Variants in WDPCP observed in about 807,000 individuals in gnomAD.
WDPCP encodes WD repeat-containing and planar cell polarity effector protein fritz homolog.
A neutral mutation model predicts 93.1 loss-of-function variants in WDPCP; 71 were observed. That is an observed-to-expected ratio of 0.76 (90% CI 0.63 to 0.93). WDPCP has a LOEUF of 0.93. Ranked by LOEUF, WDPCP falls within the 40% of genes least tolerant of loss-of-function variation. The pLI is 0.00. For missense variants in WDPCP, 844 were observed against 887.4 expected, an observed-to-expected ratio of 0.95 and a Z score of 0.62; for synonymous variants, 315 against 315.0, an observed-to-expected ratio of 1.00 and a Z score of 0.00.
intron 6 of WDPCP, among the ~76,000 whole-genome samples, chr2:63,460,463 T>C (rs1698929733): frequency 6.6e-6 from 1 of 152,108 alleles, no homozygotes; most frequent in Non-Finnish European, 1.5e-5. Flanking sequence ...TCAAAATAAT[T>C]AGAAGAGAGA....
chr2:63,124,034 A>T (rs1236862613), intron 17 of WDPCP, among the ~76,000 whole-genome samples: 2 of 150,754 alleles, frequency 1.3e-5, no homozygotes, highest in East Asian at 3.9e-4. Context: ...TTTTGGTTAA[A>T]TTTATATTGT....
At chr2:63,754,955 A>G (rs1457413432) in intron 2 of WDPCP, among the ~76,000 whole-genome samples, 1 of 152,220 alleles carries the variant, frequency 6.6e-6, no homozygotes, top group African/African-American at 2.4e-5. Context: ...GGGTACAGTC[A>G]TAAGAAGGCT....
chr2:63,719,634 G>A (rs946221294), intron 2 of WDPCP, among the ~76,000 whole-genome samples: 1 of 152,086 alleles, frequency 6.6e-6, no homozygotes, highest in Non-Finnish European at 1.5e-5. Context: ...TGGTGGGTGG[G>A]CTGTGTGGAG....
chr2:63,464,470 T>A (rs1699215588), intron 6 of WDPCP, among the ~76,000 whole-genome samples: 1 of 152,086 alleles, frequency 6.6e-6, no homozygotes, highest in South Asian at 2.1e-4. Flanking sequence ...TGAAAATCAG[T>A]ATGGTGTTTC....
chr2:63,382,220 T>G (rs1692373368), intron 10 of WDPCP, 126 bp from the exon 11 acceptor site: 1 of 868,834 alleles, frequency 1.2e-6, no homozygotes, highest in South Asian at 1.6e-5. Flanking sequence ...GTGGGACTGA[T>G]CTCCTTCTCA....
chr2:63,120,345 T>C lies in WDPCP; in HGVS notation c.*1661A>G. Reference sequence around the variant, plus strand: ...CAATAACAAAATGAAAAATCTAATTTGAGTTTCACCTTTTTTTGTCATACC... The same window carrying C: ...CAATAACAAAATGAAAAATCTAATTCGAGTTTCACCTTTTTTTGTCATACC... On this transcript the variant is annotated 3_prime_UTR_variant, in exon 18 of 18. Coordinates refer to ENST00000272321, the MANE Select transcript of WDPCP (RefSeq NM_015910.7). Among the ~76,000 whole-genome samples, 1 of 152,112 alleles carries C rather than the reference T, an allele frequency of 6.6e-6. No homozygotes were observed. The highest frequency in any genetic ancestry group is 1.9e-4 in the East Asian group (1 of 5,200).
chr2:63,317,170 A>G (rs2104030272), intron 12 of WDPCP, among the ~76,000 whole-genome samples: 1 of 152,238 alleles, frequency 6.6e-6, no homozygotes, highest in Non-Finnish European at 1.5e-5. Context: ...TCACAGAACT[A>G]GAAAAACCTT....
intron 3 of WDPCP, among the ~76,000 whole-genome samples, chr2:63,618,440 T>C (rs1558867682): frequency 6.6e-6 from 1 of 152,242 alleles, no homozygotes; most frequent in Non-Finnish European, 1.5e-5. Flanking sequence ...AAGAATTTAA[T>C]TGCCCAGGTG....
At chr2:63,625,446 C>T (rs113752161) in intron 3 of WDPCP, among the ~76,000 whole-genome samples, 4,996 of 152,272 alleles carry the variant, frequency 0.033, 141 homozygotes, top group Non-Finnish European at 0.048. Flanking sequence ...CTGAGCCCAA[C>T]GTCTCCTTAA....
intron 14 of WDPCP, among the ~76,000 whole-genome samples, chr2:63,175,394 A>G (rs981793289): frequency 4.2e-5 from 6 of 142,022 alleles, no homozygotes; most frequent in African/African-American, 7.7e-5. Flanking sequence ...ATTTTTTGTA[A>G]GAAACATAAA....
At chr2:63,659,438 A>G (rs887840166) in intron 2 of WDPCP, among the ~76,000 whole-genome samples, 3 of 152,316 alleles carry the variant, frequency 2.0e-5, no homozygotes, top group Non-Finnish European at 2.9e-5. Flanking sequence ...CAGGTGGGCA[A>G]TTGCGTGTAT....
chr2:63,660,613 CT>C (rs1252985763), intron 2 of WDPCP, among the ~76,000 whole-genome samples: 3 of 152,256 alleles, frequency 2.0e-5, no homozygotes, highest in Non-Finnish European at 4.4e-5. Context: ...ATGTACCCCC[CT>C]GTATCTAAAA....
Position 63,308,884 on chromosome 2 carries a change from GTA to G in WDPCP, c.1812+4362_1812+4363del, listed in dbSNP as rs1685957594. Among the ~76,000 whole-genome samples, 9 of 152,132 alleles carry G rather than the reference GTA, an allele frequency of 5.9e-5. No homozygotes were observed. In the South Asian group the frequency reaches 1.9e-3, roughly 32 times the overall value. ...CCGCACATGTGTCCAAGAACCTAAA[GTA>G]TAATCAAAGAAAATGTGGTAAATAT... On this transcript the variant is annotated intron_variant, in intron 13 of 17. Transcript: ENST00000272321.
chr2:63,405,691 A>G (rs1694523322), intron 9 of WDPCP, among the ~76,000 whole-genome samples: 1 of 152,054 alleles, frequency 6.6e-6, no homozygotes, highest in Non-Finnish European at 1.5e-5. Flanking sequence ...TCTTTGGTAT[A>G]GAAAGGAAAG....
chr2:63,497,256 G>A (rs761812958), intron 1 of WDPCP, among the ~76,000 whole-genome samples: 5 of 152,114 alleles, frequency 3.3e-5, no homozygotes, highest in Non-Finnish European at 5.9e-5. Flanking sequence ...GTCAAGGAGT[G>A]CCCTGTATCA....
At chr2:63,819,451 G>C (rs1670987229) in intron 1 of WDPCP, among the ~76,000 whole-genome samples, 1 of 152,146 alleles carries the variant, frequency 6.6e-6, no homozygotes, top group Non-Finnish European at 1.5e-5. Context: ...TCATAAACCA[G>C]CAGGTGGAGG....
At chr2:63,200,971 T>C (rs1315944974) in intron 14 of WDPCP, among the ~76,000 whole-genome samples, 3 of 152,116 alleles carry the variant, frequency 2.0e-5, no homozygotes, top group Non-Finnish European at 4.4e-5. Flanking sequence ...GGCCAGGGGC[T>C]AAATGATATG....
At chr2:63,428,279 C>T (rs921063665) in intron 9 of WDPCP, among the ~76,000 whole-genome samples, 1 of 151,534 alleles carries the variant, frequency 6.6e-6, no homozygotes, top group Admixed American at 6.6e-5. Context: ...AGAGACACAA[C>T]AAAAAAAGAA....
chr2:63,566,583 G>A (rs1707075803), intron 1 of WDPCP, among the ~76,000 whole-genome samples: 1 of 152,180 alleles, frequency 6.6e-6, no homozygotes, highest in Non-Finnish European at 1.5e-5. Context: ...TAAATTAACT[G>A]AGACCTGTCT....
Sources: gnomAD v4.1 joint callset for allele counts (sites outside exome capture counted in the v4.1 genomes callset) on GRCh38, gnomAD v4.1.1 for gene constraint, MANE v1.5 for transcripts, NCBI Gene and HGNC (gene_info 2026-07-23, HGNC 2026-07-21) for gene names.